Variants in TNS3 observed in about 807,000 individuals in gnomAD.
TNS3 encodes tensin 3, also known as tensin-3.
In TNS3, 45 loss-of-function variants were observed where a neutral mutation model predicts 140.9. The ratio of observed to expected loss-of-function variants is 0.32; its 90% confidence interval spans 0.25 to 0.41. The LOEUF (loss-of-function observed/expected upper bound fraction) is 0.41. Ranked by LOEUF, TNS3 falls within the 10% of genes least tolerant of loss-of-function variation. The pLI, the probability that TNS3 is intolerant of heterozygous loss-of-function variation, is 1.00. For synonymous variants in TNS3, 815 were observed against 788.4 expected (o/e 1.03, Z -0.56); for missense variants, 1,716 against 1,906.7 (o/e 0.90, Z 1.86).
chr7:47,479,143 C>T (rs1421394497), intron 4 of TNS3, among the ~76,000 whole-genome samples: 1 of 152,238 alleles, frequency 6.6e-6, no homozygotes, highest in Non-Finnish European at 1.5e-5. Context: ...AACATCTAAG[C>T]AGCCAGGATG....
At chr7:47,350,817 C>T (rs1214946514) in intron 17 of TNS3, among the ~76,000 whole-genome samples, 4 of 152,210 alleles carry the variant, frequency 2.6e-5, no homozygotes, top group African/African-American at 9.7e-5. Context: ...ATGGGCCACA[C>T]TCAAAATGGG....
At chr7:47,333,644 A>G (rs1039442657) in intron 20 of TNS3, among the ~76,000 whole-genome samples, 4 of 152,204 alleles carry the variant, frequency 2.6e-5, no homozygotes, top group Non-Finnish European at 5.9e-5. Context: ...GGAAAGAAAG[A>G]AGAAGATTGG....
chr7:47,419,356 A>G (rs1794253000), intron 10 of TNS3, among the ~76,000 whole-genome samples: 1 of 152,214 alleles, frequency 6.6e-6, no homozygotes, highest in Non-Finnish European at 1.5e-5. Context: ...GGGAGGGGCC[A>G]CAGGGGCATG....
chr7:47,352,225 T>C (rs970801417), intron 17 of TNS3, among the ~76,000 whole-genome samples: 1 of 152,120 alleles, frequency 6.6e-6, no homozygotes, highest in Admixed American at 6.5e-5. Flanking sequence ...CTTTCTCATA[T>C]ACTTACACTA....
intron 16 of TNS3, among the ~76,000 whole-genome samples, chr7:47,389,104 G>GGAAGCAGAAGCA (rs1352890371): frequency 3.3e-5 from 1 of 29,982 alleles, no homozygotes; most frequent in African/African-American, 2.0e-4. Context: ...AAGAGGAAGC[G>GGAAGCAGAAGCA]GAAGCAGAAG....
At chr7:47,430,671 C>T (rs1441989671) in intron 8 of TNS3, among the ~76,000 whole-genome samples, 1 of 151,976 alleles carries the variant, frequency 6.6e-6, no homozygotes, top group Non-Finnish European at 1.5e-5. Flanking sequence ...GCATGTTAGG[C>T]CACAAAACAA....
At chr7:47,280,871 C>T (rs1418270240) in intron 28 of TNS3, among the ~76,000 whole-genome samples, 1 of 152,008 alleles carries the variant, frequency 6.6e-6, no homozygotes, top group African/African-American at 2.4e-5. Flanking sequence ...TGAGATCGCT[C>T]CACTGCACTC....
chr7:47,475,552 T>A (rs1265416552), intron 4 of TNS3, among the ~76,000 whole-genome samples: 2 of 151,898 alleles, frequency 1.3e-5, no homozygotes, highest in Non-Finnish European at 2.9e-5. Flanking sequence ...GGCCAGGCCC[T>A]CCCTGGACTC....
At chr7:47,426,528 A>G (rs1338340119) in intron 9 of TNS3, among the ~76,000 whole-genome samples, 2 of 152,200 alleles carry the variant, frequency 1.3e-5, no homozygotes, top group African/African-American at 4.8e-5. Context: ...GATAGCCAAT[A>G]CCTGAGTACC....
chr7:47,340,047 ATG>A (rs1268271912), intron 20 of TNS3, among the ~76,000 whole-genome samples: 4 of 132,846 alleles, frequency 3.0e-5, no homozygotes, highest in African/African-American at 8.2e-5. Context: ...ATATGTGTAT[ATG>A]TGTGTATATA....
At chr7:47,484,666 T>C (rs1048948270) in intron 3 of TNS3, among the ~76,000 whole-genome samples, 2 of 152,202 alleles carry the variant, frequency 1.3e-5, no homozygotes, top group Non-Finnish European at 2.9e-5. Flanking sequence ...GCATCCCTGC[T>C]GGAGCGCACA....
At chr7:47,494,680 G>C (rs529686901) in intron 3 of TNS3, among the ~76,000 whole-genome samples, 42 of 152,254 alleles carry the variant, frequency 2.8e-4, no homozygotes, top group Middle Eastern at 6.8e-3. Context: ...CACACACACA[G>C]TGCGCAGAAA....
chr7:47,405,667 A>G (rs993533563), intron 13 of TNS3: 1 of 687,128 alleles, frequency 1.5e-6, no homozygotes, highest in African/African-American at 1.8e-5. Context: ...TCTAAAAGGG[A>G]GAGGAAAAGG....
intron 20 of TNS3, among the ~76,000 whole-genome samples, chr7:47,322,084 C>T (rs1203108099): frequency 1.3e-5 from 2 of 152,066 alleles, no homozygotes; most frequent in Non-Finnish European, 2.9e-5. Flanking sequence ...AAGCATCCCT[C>T]AGAACTGGTC....
Position 47,302,267 on chromosome 7 carries a change from G to A in TNS3, c.3463C>T (p.Pro1155Ser). The change falls in exon 23 of 31, where the codon CCA (proline) becomes TCA (serine). Residue 1155 changes from proline (P) to serine (S), a missense_variant. By Grantham distance (74) the Pro-to-Ser change is moderately conservative. Transcript: ENST00000311160. ...SEAASPLPDS[P>S]GDKLVIVKFV... is the part of the protein sequence containing the mutation. Reference sequence around the variant, plus strand: ...TTCACGATCACAAGTTTATCACCTGGACTATCTGTAAAGCAAAATTTAAAA... The same window carrying A: ...TTCACGATCACAAGTTTATCACCTGAACTATCTGTAAAGCAAAATTTAAAA... 6.2e-7 allele frequency: 1 copy of A among 1,613,840 alleles called. No individual in the cohort carries two copies. Among genetic ancestry groups the A allele is most frequent in the Non-Finnish European group, 8.5e-7 (1 of 1,179,728 alleles).
intron 4 of TNS3, among the ~76,000 whole-genome samples, chr7:47,473,911 T>C (rs1316086949): frequency 6.6e-6 from 1 of 152,140 alleles, no homozygotes; most frequent in Non-Finnish European, 1.5e-5. Context: ...CATCATCCAT[T>C]TGGTCAGCAT....
chr7:47,297,495 C>T (rs567165477), intron 23 of TNS3, among the ~76,000 whole-genome samples: 3 of 152,212 alleles, frequency 2.0e-5, no homozygotes, highest in Admixed American at 1.3e-4. Context: ...ACTGAGGTGC[C>T]GGGCACTGTC....
intron 5 of TNS3, among the ~76,000 whole-genome samples, chr7:47,439,896 A>C (rs1004172689): frequency 6.6e-6 from 1 of 152,068 alleles, no homozygotes; most frequent in Non-Finnish European, 1.5e-5. Flanking sequence ...GGGGTACCGC[A>C]AGCTGCGGTC....
At chr7:47,487,886 T>G (rs1312352175) in intron 3 of TNS3, among the ~76,000 whole-genome samples, 3 of 152,334 alleles carry the variant, frequency 2.0e-5, no homozygotes, top group African/African-American at 7.2e-5. Context: ...ATGGCAGTAC[T>G]TTCTTTCCTA....
Sources: gnomAD v4.1 joint callset for allele counts (sites outside exome capture counted in the v4.1 genomes callset) on GRCh38, gnomAD v4.1.1 for gene constraint, MANE v1.5 for transcripts, NCBI Gene and HGNC (gene_info 2026-07-23, HGNC 2026-07-21) for gene names.